Variants in KIF17 observed in about 807,000 individuals in gnomAD.
KIF17 encodes kinesin family member 17, also known as kinesin-like protein KIF17.
A neutral mutation model predicts 96.8 loss-of-function variants in KIF17; 80 were observed. The observed-to-expected ratio is 0.83, with a 90% confidence interval of 0.69 to 1.00. The LOEUF (loss-of-function observed/expected upper bound fraction) is 1.00, where lower values mean the gene tolerates loss of function less well. Ranked by LOEUF, KIF17 falls within the 50% of genes least tolerant of loss-of-function variation. The pLI is 0.00. For missense variants in KIF17, 1,280 were observed against 1,372.9 expected, an observed-to-expected ratio of 0.93 and a Z score of 1.07; for synonymous variants, 567 against 587.5, an observed-to-expected ratio of 0.97 and a Z score of 0.51.
downstream of KIF17, among the ~76,000 whole-genome samples, chr1:20,663,667 A>T (rs1376767070): frequency 6.6e-6 from 1 of 152,182 alleles, no homozygotes; most frequent in Non-Finnish European, 1.5e-5. Flanking sequence ...CTATGTGGGC[A>T]CAAACAGGGT....
intron 6 of KIF17, among the ~76,000 whole-genome samples, chr1:20,695,441 G>A (rs1160266605): frequency 2.6e-5 from 4 of 152,060 alleles, no homozygotes; most frequent in Non-Finnish European, 4.4e-5. Context: ...CGCCCGCCTC[G>A]GCCTCCCAAA....
intron 3 of KIF17, 22 bp downstream of exon 3, chr1:20,713,432 C>A (rs753763734): frequency 6.3e-7 from 1 of 1,583,904 alleles, no homozygotes; most frequent in South Asian, 1.1e-5. Flanking sequence ...GCCCCACCTG[C>A]CCACAATGGG....
chr1:20,712,442 T>C (rs2054453548), intron 3 of KIF17, among the ~76,000 whole-genome samples: 1 of 149,374 alleles, frequency 6.7e-6, no homozygotes, highest in African/African-American at 2.5e-5. Flanking sequence ...TGCATGCCTG[T>C]AGTCCCAGCT....
chr1:20,681,346 G>A lies in KIF17; in HGVS notation c.2463+1307C>T, dbSNP rs569017510. The stretch of plus-strand genomic sequence containing the variant: ...CTGGGATTACAGCATGCGCCACCAC[G>A]CCGGACTAATTTTTGTATTTTTTTT... On this transcript the variant is annotated intron_variant, in intron 11 of 14. Transcript: ENST00000400463. Among the ~76,000 whole-genome samples the A allele has an allele frequency of 2.6e-5, 4 of 151,292 alleles. No individual in the cohort carries two copies. The East Asian group carries it at 6.0e-4, about 23-fold the overall frequency.
intron 7 of KIF17, 89 bp from the exon 8 acceptor site, chr1:20,688,033 T>A: frequency 8.6e-7 from 1 of 1,168,622 alleles, no homozygotes; most frequent in Non-Finnish European, 1.3e-6. Flanking sequence ...AGTGTGTTGT[T>A]TTTTTTGTTT....
chr1:20,715,230 G>A (rs996857145), intron 2 of KIF17, among the ~76,000 whole-genome samples: 2 of 152,196 alleles, frequency 1.3e-5, no homozygotes, highest in African/African-American at 4.8e-5. Context: ...ACCACTTCCT[G>A]GCCCAGTGCA....
At position 20,685,939 on chromosome 1, in the gene KIF17, T is replaced by C; in HGVS notation, c.2019+107A>G. On this transcript the variant is annotated intron_variant, in intron 9 of 14. Transcript: ENST00000400463. The surrounding 1 kb of genome is among the most constrained non-coding windows in gnomAD (Gnocchi z 4.1). ...GAAGGCTGGAGTTGTTGTTCTCAGC[T>C]CATGGATGAGGAAACTGAAGCTCAG... is the stretch of plus-strand genomic sequence containing the variant. 1 of 967,512 alleles carries C rather than the reference T, an allele frequency of 1.0e-6. No individual in the cohort carries two copies. The highest frequency in any genetic ancestry group is 1.6e-6 in the Non-Finnish European group (1 of 616,180). The allele number at this position is 967,512 out of a possible 1,614,324, so 59.9% of individuals were successfully genotyped here.
Position 20,690,352 on chromosome 1 carries a change from G to GGGGGGGGGGGGGCCCC in KIF17, c.1234-18_1234-17insGGGGCCCCCCCCCCCC. 2.2e-6 allele frequency: 1 copy of GGGGGGGGGGGGGCCCC among 451,162 alleles called. No homozygotes were observed. The highest frequency in any genetic ancestry group is 4.3e-6 in the Non-Finnish European group (1 of 235,142). The allele number at this position is 451,162 out of a possible 1,614,324, so 27.9% of individuals were successfully genotyped here. Reference sequence around the variant, plus strand: ...TTCATACTCCTGGGGGGGTGGGAGGGACCAGAGGGCAGGCAGCATTTTATC... The same window carrying GGGGGGGGGGGGGCCCC: ...TTCATACTCCTGGGGGGGTGGGAGGGGGGGGGGGGGGGCCCCACCAGAGGGCAGGCAGCATTTTATC... On this transcript the variant is annotated splice_polypyrimidine_tract_variant and intron_variant, in intron 6 of 14. Coordinates refer to ENST00000400463, the MANE Select transcript of KIF17 (RefSeq NM_001122819.3).
Position 20,672,047 on chromosome 1 carries a change from G to A in KIF17, c.2613C>T (p.Asp871=). The change falls in exon 12 of 15, where the codon GAC becomes GAT. Residue 871 remains aspartate (D), a synonymous_variant. Coordinates refer to ENST00000400463, the MANE Select transcript of KIF17 (RefSeq NM_001122819.3). The surrounding 1 kb of genome is among the most constrained non-coding windows in gnomAD (Gnocchi z 4.3). Reference sequence around the variant, plus strand: ...TCTTCTCCAGGTTGCTGTAGTTACAGTCCCTGCGAATCAGGGGCTGCACCT... The same window carrying A: ...TCTTCTCCAGGTTGCTGTAGTTACAATCCCTGCGAATCAGGGGCTGCACCT... ...LEQVQPLIRR[D]CNYSNLEKIL... is the part of the protein sequence containing the mutation. 1 of 1,614,176 alleles carries A rather than the reference G, an allele frequency of 6.2e-7. No individual in the cohort carries two copies. Among genetic ancestry groups the A allele is most frequent in the East Asian group, 2.2e-5 (1 of 44,884 alleles).
At position 20,672,041 on chromosome 1, in the gene KIF17, G is replaced by A; in HGVS notation, c.2619C>T (p.Asn873=). The change falls in exon 12 of 15, where the codon AAC becomes AAT. Residue 873 remains asparagine (N), a synonymous_variant. Coordinates refer to ENST00000400463, the MANE Select transcript of KIF17 (RefSeq NM_001122819.3). The surrounding 1 kb of genome is among the most constrained non-coding windows in gnomAD (Gnocchi z 4.3). The stretch of plus-strand genomic sequence containing the variant: ...GCAGAATCTTCTCCAGGTTGCTGTA[G>A]TTACAGTCCCTGCGAATCAGGGGCT... ...QVQPLIRRDC[N]YSNLEKILRE... is the part of the protein sequence containing the mutation. 6.2e-7 allele frequency: 1 copy of A among 1,614,174 alleles called. No homozygotes were observed. Among genetic ancestry groups the A allele is most frequent in the South Asian group, 1.1e-5 (1 of 91,082 alleles).
Position 20,704,343 on chromosome 1 carries a change from C to T in KIF17, c.1123+104G>A, listed in dbSNP as rs932307987. On this transcript the variant is annotated intron_variant, in intron 5 of 14. Coordinates refer to ENST00000400463, the MANE Select transcript of KIF17 (RefSeq NM_001122819.3). The surrounding 1 kb of genome is among the most constrained non-coding windows in gnomAD (Gnocchi z 6.8). ...GGGGCTGAGGGGTGGGAGGATGCTG[C>T]TCCCACTGTCTTTTAGGTGGGAAGT... 5.9e-5 allele frequency: 56 copies of T among 944,114 alleles called. No homozygotes were observed. The highest frequency in any genetic ancestry group is 1.3e-5 in the Non-Finnish European group (8 of 603,972). 58.5% of individuals were successfully genotyped at this position (944,114 alleles called of 1,614,324 possible). A position where few individuals can be genotyped will look rare whatever the true frequency, so the allele number is the denominator to read the frequency against.
At chr1:20,688,147 T>C (rs2053974128) in intron 7 of KIF17, among the ~76,000 whole-genome samples, 1 of 151,864 alleles carries the variant, frequency 6.6e-6, no homozygotes, top group Non-Finnish European at 1.5e-5. Context: ...CCCAGGTTCA[T>C]GCCATTCTCC....
In KIF17 at chr1:20,664,294, G is replaced by A; in HGVS notation, c.*290C>T. 1 of 1,329,286 alleles carries A rather than the reference G, an allele frequency of 7.5e-7. No individual in the cohort carries two copies. The highest frequency in any genetic ancestry group is 9.7e-7 in the Non-Finnish European group (1 of 1,028,918). 82.3% of individuals were successfully genotyped at this position (1,329,286 alleles called of 1,614,324 possible). On this transcript the variant is annotated 3_prime_UTR_variant, in exon 15 of 15. Transcript: ENST00000400463. ...TTTGAGGCAAAGACCAACACTGGTG[G>A]GCATGGGTGTGGGCTCTGTGGCAGG...
chr1:20,712,630 CTATATATATAATATAGATAATATTA>C (rs1557606450), intron 3 of KIF17, among the ~76,000 whole-genome samples: 2 of 17,832 alleles, frequency 1.1e-4, no homozygotes, highest in African/African-American at 3.3e-4. Flanking sequence ...TAGATAATAT[CTATATATATAATATAGATAATATTA>C]TCTATATATA....
At chr1:20,689,575 C>A (rs571444077) in intron 7 of KIF17, among the ~76,000 whole-genome samples, 1 of 152,124 alleles carries the variant, frequency 6.6e-6, no homozygotes, top group Admixed American at 6.5e-5. Flanking sequence ...TGCTTAAATC[C>A]GGGATGGGGA....
intron 13 of KIF17, among the ~76,000 whole-genome samples, chr1:20,669,564 TAAATAAAATA>T (rs1553149017): frequency 4.8e-5 from 6 of 124,468 alleles, no homozygotes; most frequent in Non-Finnish European, 6.6e-5. Context: ...ATAATAATAA[TAAATAAAATA>T]AAATAAAATA....
At chr1:20,662,547 G>A (rs1194885338), downstream of KIF17, among the ~76,000 whole-genome samples, 1 of 152,158 alleles carries the variant, frequency 6.6e-6, no homozygotes, top group Non-Finnish European at 1.5e-5. Context: ...CAGAGCTCCT[G>A]GCTCCTGCAC....
chr1:20,673,588 T>A (rs2053686062), intron 11 of KIF17, among the ~76,000 whole-genome samples: 1 of 144,452 alleles, frequency 6.9e-6, no homozygotes, highest in Admixed American at 7.2e-5. Context: ...TGGAGTGCGG[T>A]GGCATGATCT....
intron 6 of KIF17, among the ~76,000 whole-genome samples, chr1:20,695,126 A>ATG (rs1553151310): frequency 3.0e-5 from 4 of 135,398 alleles, no homozygotes; most frequent in African/African-American, 1.1e-4. Flanking sequence ...GCATACACAC[A>ATG]CGCACACACA....
Sources: allele counts gnomAD v4.1 joint callset (sites outside exome capture counted in the v4.1 genomes callset), GRCh38; gene constraint gnomAD v4.1.1; non-coding constraint Gnocchi (gnomAD v3.1); transcripts MANE v1.5; gene names NCBI Gene and HGNC (gene_info 2026-07-23, HGNC 2026-07-21).